The following RHBDL2 variants were observed in gnomAD, a reference collection of about 807,000 sequenced individuals.
RHBDL2 encodes the protein rhomboid like 2, also known as rhomboid-related protein 2.
A neutral mutation model predicts 31.7 loss-of-function variants in RHBDL2; 26 were observed. The observed-to-expected ratio is 0.82, with a 90% CI of 0.60 to 1.14. The LOEUF (loss-of-function observed/expected upper bound fraction) is 1.14, where lower values mean the gene tolerates loss of function less well. RHBDL2 is among the 50% of genes most tolerant of loss of function. The pLI is 0.00. For synonymous variants in RHBDL2, 123 were observed against 127.2 expected, an observed-to-expected ratio of 0.97 and a Z score of 0.22; for missense variants, 336 against 364.4, an observed-to-expected ratio of 0.92 and a Z score of 0.63.
intron 1 of RHBDL2, among the ~76,000 whole-genome samples, chr1:38,932,053 CT>C (rs1643444851): frequency 6.6e-6 from 1 of 152,166 alleles, no homozygotes; most frequent in South Asian, 2.1e-4. Context: ...GTGGTCCCCA[CT>C]TTTGCTCCTT....
At chr1:38,916,117 G>A (rs1643232240) in intron 2 of RHBDL2, among the ~76,000 whole-genome samples, 1 of 152,172 alleles carries the variant, frequency 6.6e-6, no homozygotes, top group Non-Finnish European at 1.5e-5. Flanking sequence ...GCAGGGAAAG[G>A]GAAAAATAGT....
chr1:38,920,828 G>A (rs1460756166), intron 1 of RHBDL2, among the ~76,000 whole-genome samples: 2 of 149,566 alleles, frequency 1.3e-5, no homozygotes, highest in African/African-American at 2.5e-5. Context: ...TGTTAGCCAG[G>A]ATGGTCTCGA....
At chr1:38,905,688 G>A (rs1287998439) in intron 4 of RHBDL2, among the ~76,000 whole-genome samples, 1 of 150,144 alleles carries the variant, frequency 6.7e-6, no homozygotes, top group Non-Finnish European at 1.5e-5. Context: ...GGAGGTGGAG[G>A]TTGCAGTGAG....
At position 38,895,232 on chromosome 1, in the gene RHBDL2, A is replaced by T. The variant is rs181019674; in HGVS notation, c.609+737T>A. Among the ~76,000 whole-genome samples the T allele has an allele frequency of 1.8e-3, 278 of 152,302 alleles. 1 individual carries two copies. Among genetic ancestry groups the T allele is most frequent in the Admixed American group, 3.1e-3 (48 of 15,282 alleles). ...GTGGTGTCATTGTTATAAGATTAAC[A>T]TCGGTAGGATTTTGAATACATGTAG... On this transcript the variant is annotated intron_variant, in intron 5 of 7. Transcript: ENST00000372990.
At chr1:38,917,561 T>G (rs1014802448) in intron 2 of RHBDL2, among the ~76,000 whole-genome samples, 1 of 151,998 alleles carries the variant, frequency 6.6e-6, no homozygotes, top group African/African-American at 2.4e-5. Context: ...ACACAGCTGA[T>G]TGAAACACAA....
chr1:38,904,730 C>A (rs1157271016), intron 4 of RHBDL2, among the ~76,000 whole-genome samples: 2 of 149,080 alleles, frequency 1.3e-5, no homozygotes, highest in Non-Finnish European at 3.0e-5. Context: ...TATAGTAAAA[C>A]ATTTTTAAAA....
chr1:38,936,878 C>T (rs1643516853), intron 1 of RHBDL2, among the ~76,000 whole-genome samples: 1 of 152,196 alleles, frequency 6.6e-6, no homozygotes, highest in East Asian at 1.9e-4. Flanking sequence ...AAGTCATCCA[C>T]CCAACTCGGC....
Position 38,921,741 on chromosome 1 carries a change from C to T in RHBDL2, c.-125-2404G>A, listed in dbSNP as rs139988216. Among the ~76,000 whole-genome samples, 577 of 152,240 alleles carry T rather than the reference C, an allele frequency of 3.8e-3. 8 individuals are homozygous for T. The highest frequency in any genetic ancestry group is 0.013 in the African/African-American group (553 of 41,550). ...GCCTCCCAGAGTCAGACATTCAGTC[C>T]ATAGATATAACTCTTTTATTAATTT... On this transcript the variant is annotated intron_variant, in intron 1 of 7. Coordinates refer to ENST00000372990, the MANE Select transcript of RHBDL2 (RefSeq NM_017821.5).
chr1:38,935,052 C>T (rs1467080085), intron 1 of RHBDL2, among the ~76,000 whole-genome samples: 1 of 152,002 alleles, frequency 6.6e-6, no homozygotes, highest in Admixed American at 6.6e-5. Context: ...AAAATCGGCT[C>T]CAAGATCAAA....
chr1:38,917,246 T>C (rs570652542), intron 2 of RHBDL2, among the ~76,000 whole-genome samples: 1 of 152,056 alleles, frequency 6.6e-6, no homozygotes, highest in East Asian at 2.0e-4. Flanking sequence ...CTCAATCTCC[T>C]GACCTTGTGA....
At chr1:38,941,054 C>G (rs76187073) in intron 1 of RHBDL2, among the ~76,000 whole-genome samples, 23,665 of 152,224 alleles carry the variant, frequency 0.16, 2,409 homozygotes, top group Non-Finnish European at 0.22. Context: ...CAATAAGTTT[C>G]AGTTTTCTTA....
At chr1:38,914,663 G>A (rs540883371) in intron 3 of RHBDL2, among the ~76,000 whole-genome samples, 1 of 152,104 alleles carries the variant, frequency 6.6e-6, no homozygotes, top group East Asian at 1.9e-4. Context: ...CATGCTTTTG[G>A]TTTTGCAATG....
At chr1:38,920,993 T>C (rs1301186739) in intron 1 of RHBDL2, among the ~76,000 whole-genome samples, 1 of 152,164 alleles carries the variant, frequency 6.6e-6, no homozygotes, top group Non-Finnish European at 1.5e-5. Context: ...CATATGGTAA[T>C]TAATTCTATG....
chr1:38,886,455 A>C lies in RHBDL2; in HGVS notation c.*49T>G. On this transcript the variant is annotated 3_prime_UTR_variant, in exon 8 of 8. Coordinates refer to ENST00000372990, the MANE Select transcript of RHBDL2 (RefSeq NM_017821.5). ...TTCATAGAGTCTTCCTTTTTTTTTTATTTCCTCCAGATGGCTCTTTTTATT... is the reference window on the plus strand; with the variant it reads ...TTCATAGAGTCTTCCTTTTTTTTTTCTTTCCTCCAGATGGCTCTTTTTATT... 1 of 1,309,054 alleles carries C rather than the reference A, an allele frequency of 7.6e-7. No individual in the cohort carries two copies. The highest frequency in any genetic ancestry group is 2.7e-5 in the Admixed American group (1 of 37,378). The allele number at this position is 1,309,054 out of a possible 1,614,324, so 81.1% of individuals were successfully genotyped here. A position where few individuals can be genotyped will look rare whatever the true frequency, so the allele number is the denominator to read the frequency against.
intron 6 of RHBDL2, among the ~76,000 whole-genome samples, chr1:38,889,737 C>A (rs997107408): frequency 5.3e-5 from 8 of 152,226 alleles, no homozygotes; most frequent in African/African-American, 1.9e-4. Context: ...CCTAGAAGAA[C>A]TCTGCCCTAT....
At chr1:38,897,738 G>A (rs1642938324) in intron 4 of RHBDL2, among the ~76,000 whole-genome samples, 1 of 151,966 alleles carries the variant, frequency 6.6e-6, no homozygotes, top group African/African-American at 2.4e-5. Context: ...CAAAAGGATT[G>A]GATAAGAAAA....
At chr1:38,929,434 C>G in intron 1 of RHBDL2, 1 of 1,289,466 alleles carries the variant, frequency 7.8e-7, no homozygotes, top group Non-Finnish European at 1.0e-6. Flanking sequence ...CCTGGCAAGG[C>G]CAACACCCTT....
intron 1 of RHBDL2, among the ~76,000 whole-genome samples, chr1:38,939,290 G>C (rs900722935): frequency 1.3e-5 from 2 of 152,058 alleles, no homozygotes; most frequent in Non-Finnish European, 2.9e-5. Flanking sequence ...ACCCAGGCTG[G>C]AGTGCAGCGG....
chr1:38,923,859 C>T (rs1367378855), intron 1 of RHBDL2, among the ~76,000 whole-genome samples: 1 of 152,114 alleles, frequency 6.6e-6, no homozygotes, highest in African/African-American at 2.4e-5. Context: ...TTTTGAAAGG[C>T]CTCGCATACA....
Sources: allele counts gnomAD v4.1 joint callset (sites outside exome capture counted in the v4.1 genomes callset), GRCh38; gene constraint gnomAD v4.1.1; transcripts MANE v1.5; gene names NCBI Gene and HGNC (gene_info 2026-07-23, HGNC 2026-07-21).